WDR43: variants seen among roughly 807,000 people sequenced by gnomAD.
The protein encoded by WDR43 is WD repeat-containing protein 43.
In WDR43, 13 loss-of-function variants were observed where a neutral mutation model predicts 91.4. That is an observed-to-expected ratio of 0.14 (90% CI 0.09 to 0.23). The LOEUF is 0.23. Ranked by LOEUF, WDR43 falls within the 10% of genes least tolerant of loss-of-function variation. The probability of loss-of-function intolerance (pLI) is 1.00; values close to 1 mark genes in which losing one functional copy is unlikely to be tolerated. For missense variants in WDR43, 780 were observed against 809.4 expected, an observed-to-expected ratio of 0.96 and a Z score of 0.44; for synonymous variants, 331 against 287.9, an observed-to-expected ratio of 1.15 and a Z score of -1.51.
intron 14 of WDR43, among the ~76,000 whole-genome samples, chr2:28,939,039 G>C (rs1470983323): frequency 2.0e-5 from 2 of 101,412 alleles, no homozygotes; most frequent in Admixed American, 1.1e-4. Flanking sequence ...GGTGACCTGG[G>C]AGCACTGGTG....
In WDR43 at chr2:28,935,537, G is replaced by A; in HGVS notation, c.1454G>A (p.Arg485Lys). The change falls in exon 12 of 18, where the codon AGG (arginine) becomes AAG (lysine). Residue 485 changes from arginine to lysine, a missense_variant. Physicochemically the swap from Arg to Lys is conservative, Grantham distance 26. Transcript: ENST00000407426. ...TTCTCACAGAAAGTACTTCAAACTA[G>A]GAATGTAAACCTTATAAAGAAGACT... is the stretch of plus-strand genomic sequence containing the variant. ...FEMLNKVLQT[R>K]NVNLIKKTVL... 1 of 1,591,476 alleles carries A rather than the reference G, an allele frequency of 6.3e-7. No individual in the cohort carries two copies. Among genetic ancestry groups the A allele is most frequent in the Non-Finnish European group, 8.5e-7 (1 of 1,170,676 alleles).
intron 5 of WDR43, among the ~76,000 whole-genome samples, chr2:28,914,765 C>T (rs1459574426): frequency 6.6e-6 from 1 of 152,090 alleles, no homozygotes; most frequent in African/African-American, 2.4e-5. Context: ...CCTGTCTCTA[C>T]TAAAAATACA....
chr2:28,907,245 C>T (rs1670698523), intron 3 of WDR43, among the ~76,000 whole-genome samples: 1 of 152,096 alleles, frequency 6.6e-6, no homozygotes. Context: ...TGCCCATGGT[C>T]CTGCAGCTGC....
rs879617089 is a variant in WDR43, at chr2:28,947,554, A to T, written c.*775A>T. On this transcript the variant is annotated 3_prime_UTR_variant, in exon 18 of 18. Coordinates refer to ENST00000407426, the MANE Select transcript of WDR43 (RefSeq NM_015131.3). ...GAAGTGCTCATTACCTGCAACTTTT[A>T]AAAAAAATTCAGTTATAGCTGCTTT... 5 of 152,070 alleles carry T rather than the reference A, an allele frequency of 3.3e-5. No individual in the cohort carries two copies. The highest frequency in any genetic ancestry group is 1.9e-4 in the East Asian group (1 of 5,192). The allele number at this position is 152,070 out of a possible 1,614,324, so 9.4% of individuals were successfully genotyped here. A position where few individuals can be genotyped will look rare whatever the true frequency, so the allele number is the denominator to read the frequency against.
At chr2:28,907,446 CAA>C (rs34966684) in intron 3 of WDR43, among the ~76,000 whole-genome samples, 49 of 19,234 alleles carry the variant, frequency 2.5e-3, no homozygotes, top group African/African-American at 3.8e-3. Flanking sequence ...CACCTCTTTA[CAA>C]AAAAAAAAAA....
intron 7 of WDR43, among the ~76,000 whole-genome samples, 181 bp from the exon 8 acceptor site, chr2:28,924,801 G>A (rs1671096967): frequency 6.6e-6 from 1 of 152,114 alleles, no homozygotes; most frequent in African/African-American, 2.4e-5. Flanking sequence ...GAGGTTTTGA[G>A]TATAGGTAGA....
chr2:28,927,514 T>C (rs1306541694), intron 9 of WDR43, 55 bp from the exon 10 acceptor site: 2 of 1,597,234 alleles, frequency 1.3e-6, no homozygotes, highest in Admixed American at 1.7e-5. Flanking sequence ...TTGAGGATAC[T>C]TAAGGACTAA....
intron 11 of WDR43, among the ~76,000 whole-genome samples, chr2:28,933,189 G>T (rs1024331378): frequency 1.3e-5 from 2 of 152,146 alleles, no homozygotes; most frequent in Non-Finnish European, 2.9e-5. Flanking sequence ...AATAACCAAA[G>T]AAATGGTAAA....
intron 4 of WDR43, 118 bp downstream of exon 4, chr2:28,912,828 C>A (rs1670828964): frequency 1.5e-6 from 2 of 1,351,108 alleles, no homozygotes; most frequent in African/African-American, 2.9e-5. Flanking sequence ...TCAGGTACAT[C>A]AAATAGTTTA....
At chr2:28,931,655 CTTT>C (rs34087215) in intron 11 of WDR43, among the ~76,000 whole-genome samples, 1 of 143,298 alleles carries the variant, frequency 7.0e-6, no homozygotes, top group South Asian at 2.2e-4. Context: ...GGTTTAAAAT[CTTT>C]TTTTTTTTTG....
At chr2:28,921,929 G>A (rs1384145951) in intron 6 of WDR43, among the ~76,000 whole-genome samples, 2 of 151,988 alleles carry the variant, frequency 1.3e-5, no homozygotes, top group Admixed American at 1.3e-4. Flanking sequence ...TCCTAGTCTG[G>A]TCTCGAACTT....
intron 5 of WDR43, 103 bp downstream of exon 5, chr2:28,914,311 A>C: frequency 2.2e-6 from 3 of 1,338,148 alleles, no homozygotes; most frequent in Non-Finnish European, 3.0e-6. Flanking sequence ...GTTGTATCTA[A>C]TGTTGGATTT....
intron 2 of WDR43, among the ~76,000 whole-genome samples, chr2:28,902,894 T>G (rs747253544): frequency 3.9e-5 from 6 of 152,212 alleles, no homozygotes; most frequent in East Asian, 1.9e-4. Context: ...TGCAGTGTGT[T>G]TTTGTTCGCT....
rs369746530 is a variant in WDR43 at position 28,940,111 on chromosome 2, C to CAAAAA, written c.1621-1336_1621-1332dup. ...TGGGCGACAGAGCGAGACTCCGTCT[C>CAAAAA]AAAAAAAAAAAAAAAAAAGAATGGA... On this transcript the variant is annotated intron_variant, in intron 14 of 17. Transcript: ENST00000407426. Among the ~76,000 whole-genome samples the CAAAAA allele has an allele frequency of 1.7e-4, 18 of 103,296 alleles. 2 individuals carry two copies. Among genetic ancestry groups the CAAAAA allele is most frequent in the East Asian group, 6.6e-4 (2 of 3,024 alleles). The allele number at this position is 103,296 out of a possible 152,430, so 67.8% of individuals were successfully genotyped here.
chr2:28,927,539 T>C (rs750350764), intron 9 of WDR43, 30 bp from the exon 10 acceptor site: 2 of 1,609,970 alleles, frequency 1.2e-6, no homozygotes, highest in Non-Finnish European at 1.7e-6. Flanking sequence ...TGATTTCCTT[T>C]TTCACACTTT....
chr2:28,924,121 G>T (rs542422908), intron 7 of WDR43, among the ~76,000 whole-genome samples: 1 of 152,286 alleles, frequency 6.6e-6, no homozygotes, highest in African/African-American at 2.4e-5. Context: ...AGATGCGTAG[G>T]GTGTGAGGAG....
chr2:28,936,978 AAC>A (rs1429279242), intron 13 of WDR43, 25 bp downstream of exon 13: 1 of 1,559,858 alleles, frequency 6.4e-7, no homozygotes, highest in African/African-American at 1.4e-5. Flanking sequence ...GTGACTTAAA[AAC>A]AGTGTTGTCT....
rs368938578 is a variant in WDR43 at position 28,912,577 on chromosome 2, C to G, written c.486-13C>G. 6.2e-7 allele frequency: 1 copy of G among 1,602,816 alleles called. No individual in the cohort carries two copies. Among genetic ancestry groups the G allele is most frequent in the Non-Finnish European group, 8.5e-7 (1 of 1,175,312 alleles). ...CATGTATTGAGATGCTTTTTTTTCT[C>G]TTCACAATATAGCAAATGGAAAGGC... On this transcript the variant is annotated splice_polypyrimidine_tract_variant and intron_variant, in intron 3 of 17. Coordinates refer to ENST00000407426, the MANE Select transcript of WDR43 (RefSeq NM_015131.3).
At chr2:28,940,901 G>C (rs1383071649) in intron 14 of WDR43, among the ~76,000 whole-genome samples, 1 of 152,166 alleles carries the variant, frequency 6.6e-6, no homozygotes. Flanking sequence ...GAGCAAAAAA[G>C]AGAATGTCCT....
Sources: gnomAD v4.1 joint callset for allele counts (sites outside exome capture counted in the v4.1 genomes callset) on GRCh38, gnomAD v4.1.1 for gene constraint, MANE v1.5 for transcripts, NCBI Gene and HGNC (gene_info 2026-07-23, HGNC 2026-07-21) for gene names.